The following SNAP47 variants were observed in gnomAD, a reference collection of about 807,000 sequenced individuals.
SNAP47 encodes the protein synaptosome associated protein 47.
SNAP47 carries 20 observed loss-of-function variants against 31.4 expected under a neutral mutation model. The observed-to-expected ratio is 0.64, with a 90% confidence interval of 0.45 to 0.93. The LOEUF (loss-of-function observed/expected upper bound fraction) is 0.93, where lower values mean the gene tolerates loss of function less well. SNAP47 is among the 40% of genes least tolerant of loss of function. The pLI, the probability that SNAP47 is intolerant of heterozygous loss-of-function variation, is 0.00. For synonymous variants in SNAP47, 194 were observed against 213.4 expected, an observed-to-expected ratio of 0.91 and a Z score of 0.79; for missense variants, 492 against 528.5, an observed-to-expected ratio of 0.93 and a Z score of 0.68.
rs186711522 is a variant in SNAP47 at position 227,763,406 on chromosome 1, C to T, written c.989-3553C>T. ...CCGGGCCGTGTGTCTGTCTGCACAGCAGCACCAGCAGCAGGACAGGGCAGG... is the reference window on the plus strand; with the variant it reads ...CCGGGCCGTGTGTCTGTCTGCACAGTAGCACCAGCAGCAGGACAGGGCAGG... On this transcript the variant is annotated intron_variant, in intron 3 of 4. Transcript: ENST00000617596. The surrounding 1 kb of genome is among the most constrained non-coding windows in gnomAD (Gnocchi z 4.2). Among the ~76,000 whole-genome samples the T allele has an allele frequency of 3.9e-5, 6 of 152,344 alleles. No homozygotes were observed. The highest frequency in any genetic ancestry group is 7.3e-5 in the Non-Finnish European group (5 of 68,034).
chr1:227,728,543 C>G (rs1660451037), upstream of SNAP47: 1 of 142,464 alleles, frequency 7.0e-6, no homozygotes, highest in African/African-American at 2.6e-5. Flanking sequence ...CCTGCCCTCT[C>G]GATCCAGCCT....
chr1:227,772,374 G>A (rs1054806691), intron 4 of SNAP47, among the ~76,000 whole-genome samples: 3 of 143,328 alleles, frequency 2.1e-5, no homozygotes, highest in East Asian at 2.1e-4. Context: ...TTCCCTCTCT[G>A]CCAGCCTGCC....
At chr1:227,756,468 A>C (rs917375089) in intron 2 of SNAP47, among the ~76,000 whole-genome samples, 2 of 152,232 alleles carry the variant, frequency 1.3e-5, no homozygotes, top group Non-Finnish European at 2.9e-5. Context: ...CCTTTAAGAA[A>C]ATCCCCTGTG....
rs768599635 is a variant in SNAP47 at position 227,759,346 on chromosome 1, A to G, written c.849A>G (p.Ile283Met). 2 of 1,614,110 alleles carry G rather than the reference A, an allele frequency of 1.2e-6. No individual in the cohort carries two copies. Among genetic ancestry groups the G allele is most frequent in the Non-Finnish European group, 1.7e-6 (2 of 1,180,046 alleles). The change falls in exon 3 of 5, where the codon ATA (isoleucine) becomes ATG (methionine). Residue 283 changes from isoleucine to methionine, a missense_variant. Ile to Met is a conservative substitution (Grantham distance 10). Coordinates refer to ENST00000617596, the MANE Select transcript of SNAP47 (RefSeq NM_053052.4). ...IGKPDMAYRL[I>M]SAKMPEVIPI... ...AGCCAGACATGGCCTATCGTTTGAT[A>G]TCTGCCAAGATGCCAGAGGTTATCC...
chr1:227,756,104 C>T (rs1662679055), intron 2 of SNAP47, among the ~76,000 whole-genome samples: 1 of 152,226 alleles, frequency 6.6e-6, no homozygotes, highest in African/African-American at 2.4e-5. Flanking sequence ...TTCGCAGGAC[C>T]TCCTGAGGCT....
At chr1:227,744,307 C>A (rs1558192662) in intron 1 of SNAP47, among the ~76,000 whole-genome samples, 1 of 151,804 alleles carries the variant, frequency 6.6e-6, no homozygotes, top group South Asian at 2.1e-4. Context: ...AGCTGGTGAT[C>A]TGGACTGATC....
In SNAP47 at chr1:227,763,102, A is replaced by G. The variant is rs553543161; in HGVS notation, c.988+3617A>G. On this transcript the variant is annotated intron_variant, in intron 3 of 4. Transcript: ENST00000617596. This position sits in a 1 kb window ranked among gnomAD's most constrained non-coding sequence, Gnocchi z 4.2. The stretch of plus-strand genomic sequence containing the variant: ...CTCTCAAGTAGCTGGGACTATAGGC[A>G]CATATCACCATGCCCAGCTAATTTT... 1.2e-4 allele frequency among the ~76,000 whole-genome samples: 18 copies of G among 151,660 alleles called. No individual in the cohort carries two copies. The highest frequency in any genetic ancestry group is 2.5e-4 in the Non-Finnish European group (17 of 67,950).
At chr1:227,760,248 C>G (rs560206042) in intron 3 of SNAP47, among the ~76,000 whole-genome samples, 5 of 152,360 alleles carry the variant, frequency 3.3e-5, no homozygotes, top group African/African-American at 1.2e-4. Context: ...ACCAGCACCT[C>G]AGGATTGTTA....
intron 1 of SNAP47, among the ~76,000 whole-genome samples, chr1:227,742,001 CT>C (rs1286765055): frequency 3.0e-5 from 4 of 134,096 alleles, no homozygotes; most frequent in African/African-American, 8.3e-5. Context: ...ATTTTTTGGT[CT>C]TTTTTTTCTT....
intron 4 of SNAP47, chr1:227,776,494 T>C (rs1326395551): frequency 7.4e-5 from 73 of 985,544 alleles, no homozygotes; most frequent in Non-Finnish European, 8.7e-5. Flanking sequence ...TGAAGGTTCC[T>C]GTGTGAGGCC....
rs142609898 is a variant in SNAP47 at position 227,759,480 on chromosome 1, A to C, written c.983A>C (p.His328Pro). ...GCAGAGAAGAGCTGCTCAGTCTGGC[A>C]TGCAGGTTAGTGACCGACAAGGCAG... ...SPAEKSCSVW[H>P]AASGLMGRTL... The change falls in exon 3 of 5, where the codon CAT (histidine) becomes CCT (proline). Residue 328 changes from histidine (H) to proline (P), a missense_variant. His to Pro is a moderately conservative substitution (Grantham distance 77). Coordinates refer to ENST00000617596, the MANE Select transcript of SNAP47 (RefSeq NM_053052.4). The C allele has an allele frequency of 8.1e-6, 13 of 1,613,394 alleles. No homozygotes were observed. The African/African-American group carries it at 1.6e-4, about 20-fold the overall frequency.
Position 227,759,458 on chromosome 1 carries a change from G to A in SNAP47, c.961G>A (p.Glu321Lys). ...LRSARTSSPA[E>K]KSCSVWHAAS... is the part of the protein sequence containing the mutation. ...AAGCGCAAGAACCTCTTCCCCCGCA[G>A]AGAAGAGCTGCTCAGTCTGGCATGC... Residue 321 changes from glutamate to lysine, a missense_variant, in exon 3 of 5, where the codon GAG becomes AAG. Coordinates refer to ENST00000617596, the MANE Select transcript of SNAP47 (RefSeq NM_053052.4). The A allele has an allele frequency of 6.2e-7, 1 of 1,614,144 alleles. No individual in the cohort carries two copies. The highest frequency in any genetic ancestry group is 8.5e-7 in the Non-Finnish European group (1 of 1,180,016).
In SNAP47 at chr1:227,766,867, C is replaced by A. The variant is rs1455711595; in HGVS notation, c.989-92C>A. The A allele has an allele frequency of 3.2e-6, 5 of 1,549,364 alleles. No individual in the cohort carries two copies. The African/African-American group carries it at 6.8e-5, about 21-fold the overall frequency. On this transcript the variant is annotated intron_variant, in intron 3 of 4. Coordinates refer to ENST00000617596, the MANE Select transcript of SNAP47 (RefSeq NM_053052.4). ...CCTGCGTGTGGTGGCGGGAGGAACA[C>A]CGCCTCAAAGACCACGCTCTGCCAT...
At chr1:227,765,412 G>T (rs77051694) in intron 3 of SNAP47, among the ~76,000 whole-genome samples, 12,016 of 152,280 alleles carry the variant, frequency 0.079, 628 homozygotes, top group Middle Eastern at 0.21. Flanking sequence ...TTGTGGCTGT[G>T]TCTTCCAGCC....
chr1:227,768,003 G>C lies in SNAP47; in HGVS notation c.1113+920G>C, dbSNP rs193124990. ...GCTGGCTTTCCAAGTAATTTTTGAA[G>C]CTGTACTCAGTCATCATATCACTTC... On this transcript the variant is annotated intron_variant, in intron 4 of 4. Coordinates refer to ENST00000617596, the MANE Select transcript of SNAP47 (RefSeq NM_053052.4). Among the ~76,000 whole-genome samples, 269 of 152,350 alleles carry C rather than the reference G, an allele frequency of 1.8e-3. 5 individuals carry two copies. Among genetic ancestry groups the C allele is most frequent in the Middle Eastern group, 0.014 (4 of 294 alleles).
At chr1:227,773,737 T>G (rs775550026) in intron 4 of SNAP47, among the ~76,000 whole-genome samples, 14 of 152,232 alleles carry the variant, frequency 9.2e-5, no homozygotes, top group Non-Finnish European at 1.6e-4. Flanking sequence ...CTTGGTGCTG[T>G]GGTGTGCCAT....
rs142314753 is a variant in SNAP47 at position 227,761,472 on chromosome 1, C to G, written c.988+1987C>G. Reference sequence around the variant, plus strand: ...AGGCATTGACCCCTATGGAATGGAGCATGTGGTGTGAAATGTAATGAAATC... The same window carrying G: ...AGGCATTGACCCCTATGGAATGGAGGATGTGGTGTGAAATGTAATGAAATC... On this transcript the variant is annotated intron_variant, in intron 3 of 4. Coordinates refer to ENST00000617596, the MANE Select transcript of SNAP47 (RefSeq NM_053052.4). Among the ~76,000 whole-genome samples the G allele has an allele frequency of 3.3e-5, 5 of 152,280 alleles. 2 individuals carry two copies. The highest frequency in any genetic ancestry group is 1.2e-4 in the African/African-American group (5 of 41,532).
intron 4 of SNAP47, among the ~76,000 whole-genome samples, chr1:227,769,163 G>A (rs576964915): frequency 2.6e-5 from 4 of 152,308 alleles, no homozygotes; most frequent in African/African-American, 9.6e-5. Context: ...CTCCCCTGGG[G>A]CTGCATGGGC....
chr1:227,734,450 G>GA (rs879711058), upstream of SNAP47: 156 of 449,444 alleles, frequency 3.5e-4, no homozygotes, highest in East Asian at 4.4e-3. Flanking sequence ...AAAAAAAAAG[G>GA]AAAAAAAACC....
Sources: allele counts gnomAD v4.1 joint callset (sites outside exome capture counted in the v4.1 genomes callset), GRCh38; gene constraint gnomAD v4.1.1; non-coding constraint Gnocchi (gnomAD v3.1); transcripts MANE v1.5; gene names NCBI Gene and HGNC (gene_info 2026-07-23, HGNC 2026-07-21).